The following NAA15 variants were observed in gnomAD, a reference collection of about 807,000 sequenced individuals.
NAA15 encodes N-terminal acetyltransferase.
NAA15 carries 34 observed loss-of-function variants against 114.0 expected under a neutral mutation model. The observed-to-expected ratio is 0.30, with a 90% CI of 0.23 to 0.40. NAA15 has a LOEUF of 0.40. NAA15 is among the 10% of genes least tolerant of loss of function. The pLI, the probability that NAA15 is intolerant of heterozygous loss-of-function variation, is 1.00. For synonymous variants in NAA15, 340 were observed against 338.0 expected, an observed-to-expected ratio of 1.01 and a Z score of -0.06; for missense variants, 658 against 1,004.5, an observed-to-expected ratio of 0.66 and a Z score of 4.66.
At chr4:139,376,065 C>T (rs1170958998) in intron 15 of NAA15, among the ~76,000 whole-genome samples, 1 of 152,098 alleles carries the variant, frequency 6.6e-6, no homozygotes, top group Non-Finnish European at 1.5e-5. Context: ...CTTTCTTCCC[C>T]CTTGGCTATC....
chr4:139,303,924 G>C (rs370822314), intron 1 of NAA15, among the ~76,000 whole-genome samples: 1 of 149,574 alleles, frequency 6.7e-6, no homozygotes, highest in African/African-American at 2.5e-5. Context: ...ACTTTTTTTT[G>C]TTTGTTTGTT....
intron 1 of NAA15, among the ~76,000 whole-genome samples, chr4:139,312,814 C>G (rs1746264517): frequency 6.6e-6 from 1 of 151,522 alleles, no homozygotes; most frequent in Non-Finnish European, 1.5e-5. Context: ...CCACTGCACT[C>G]CAGCCTGGGT....
At chr4:139,385,436 A>G (rs955667475) in intron 18 of NAA15, among the ~76,000 whole-genome samples, 50 of 151,408 alleles carry the variant, frequency 3.3e-4, no homozygotes, top group Non-Finnish European at 4.9e-4. Flanking sequence ...CTAAACTTAA[A>G]TGTATATCAT....
chr4:139,303,957 G>C (rs964872156), intron 1 of NAA15, among the ~76,000 whole-genome samples: 79 of 152,052 alleles, frequency 5.2e-4, no homozygotes, highest in African/African-American at 1.7e-3. Flanking sequence ...TCGCTCTGTC[G>C]CCCAGGCTGG....
chr4:139,334,244 T>A lies in NAA15; in HGVS notation c.125T>A (p.Phe42Tyr). 2 of 1,601,154 alleles carry A rather than the reference T, an allele frequency of 1.2e-6. No homozygotes were observed. Among genetic ancestry groups the A allele is most frequent in the South Asian group, 2.3e-5 (2 of 87,684 alleles). Residue 42 changes from phenylalanine to tyrosine, a missense_variant, in exon 2 of 20, where the codon TTT becomes TAT. By Grantham distance (22) the Phe-to-Tyr change is conservative. Coordinates refer to ENST00000296543, the MANE Select transcript of NAA15 (RefSeq NM_057175.5). Reference sequence around the variant, plus strand: ...AAACAAATACTTTCTAATCCCAAATTTGCAGAGCATGGAGGTAAGTGCAAG... The same window carrying A: ...AAACAAATACTTTCTAATCCCAAATATGCAGAGCATGGAGGTAAGTGCAAG... ...FCKQILSNPKFAEHGETLAMK... is the reference protein window; with the variant it reads ...FCKQILSNPKYAEHGETLAMK...
At chr4:139,366,621 A>ATTTTTTTTTTTTTTT (rs1748292956) in intron 14 of NAA15, among the ~76,000 whole-genome samples, 1 of 143,154 alleles carries the variant, frequency 7.0e-6, no homozygotes, top group African/African-American at 2.6e-5. Flanking sequence ...TTTTTTTTAA[A>ATTTTTTTTTTTTTTT]TTTTTGAGAC....
chr4:139,359,143 T>A (rs1381962836), intron 11 of NAA15, among the ~76,000 whole-genome samples: 1 of 152,086 alleles, frequency 6.6e-6, no homozygotes, highest in Non-Finnish European at 1.5e-5. Flanking sequence ...TTATTTATTT[T>A]TTATTGACAT....
At chr4:139,381,480 T>A (rs559298341) in intron 17 of NAA15, among the ~76,000 whole-genome samples, 1 of 152,206 alleles carries the variant, frequency 6.6e-6, no homozygotes, top group South Asian at 2.1e-4. Flanking sequence ...CAGATATGTT[T>A]TTTATACTTA....
At chr4:139,341,410 A>G (rs1455136303) in intron 4 of NAA15, among the ~76,000 whole-genome samples, 25 of 151,566 alleles carry the variant, frequency 1.6e-4, no homozygotes, top group Non-Finnish European at 1.3e-4. Context: ...CCTGCCTAAC[A>G]CAGTGAAACC....
intron 17 of NAA15, among the ~76,000 whole-genome samples, chr4:139,383,421 C>T (rs1047695087): frequency 6.6e-6 from 1 of 152,196 alleles, no homozygotes; most frequent in Non-Finnish European, 1.5e-5. Flanking sequence ...CCAGAGGAAT[C>T]ATCTCTAAAT....
intron 5 of NAA15, among the ~76,000 whole-genome samples, chr4:139,343,462 C>G (rs1560966404): frequency 6.6e-6 from 1 of 152,172 alleles, no homozygotes; most frequent in Non-Finnish European, 1.5e-5. Context: ...ATTTAGTTAT[C>G]ATTTCTCTTC....
rs1174204940 is a variant in NAA15, at chr4:139,301,554, C to T, written c.-224C>T. On this transcript the variant is annotated 5_prime_UTR_variant, in exon 1 of 20. Transcript: ENST00000296543. ...TTACCACGTGAACCGCCGACGGAGA[C>T]CCGTAGTGGGGGAGGCGGCGGCAGC... The T allele has an allele frequency of 1.0e-5, 6 of 583,518 alleles. No individual in the cohort carries two copies. Among genetic ancestry groups the T allele is most frequent in the Non-Finnish European group, 1.8e-5 (6 of 331,134 alleles). The allele number at this position is 583,518 out of a possible 1,614,324, so 36.1% of individuals were successfully genotyped here. A position where few individuals can be genotyped will look rare whatever the true frequency, so the allele number is the denominator to read the frequency against.
chr4:139,314,998 CAGTTTAGTTT>C (rs147452755), intron 1 of NAA15, among the ~76,000 whole-genome samples: 1,862 of 66,690 alleles, frequency 0.028, 156 homozygotes, highest in Admixed American at 0.061. Flanking sequence ...CAGTTCAGTT[CAGTTTAGTTT>C]AGGTTAGGTT....
chr4:139,383,192 ACTAC>A (rs1748799153), intron 17 of NAA15, among the ~76,000 whole-genome samples: 1 of 152,226 alleles, frequency 6.6e-6, no homozygotes, highest in Admixed American at 6.5e-5. Context: ...TGATTTATTG[ACTAC>A]CTATTACATA....
chr4:139,310,511 T>C (rs1644897983), intron 1 of NAA15, among the ~76,000 whole-genome samples: 1 of 151,674 alleles, frequency 6.6e-6, no homozygotes, highest in African/African-American at 2.4e-5. Context: ...AAGGATCATA[T>C]GCAAAGGACT....
chr4:139,317,351 C>T (rs1012966702), intron 1 of NAA15, among the ~76,000 whole-genome samples: 3 of 151,964 alleles, frequency 2.0e-5, no homozygotes, highest in Non-Finnish European at 1.5e-5. Flanking sequence ...GGGCCGGGCG[C>T]GGTGGCTGAC....
intron 1 of NAA15, among the ~76,000 whole-genome samples, chr4:139,322,793 G>A (rs996370792): frequency 6.6e-6 from 1 of 152,182 alleles, no homozygotes; most frequent in Non-Finnish European, 1.5e-5. Flanking sequence ...CTGGGTTCAA[G>A]CGATTCTTGT....
rs1283496719 is a variant in NAA15, at chr4:139,387,888, G to A, written c.2405G>A (p.Cys802Tyr). Residue 802 changes from cysteine to tyrosine, a missense_variant, in exon 20 of 20, where the codon TGT becomes TAT. Physicochemically the swap from Cys to Tyr is radical, Grantham distance 194 (BLOSUM62 -2). This residue lies in a region of NAA15 where 275 missense variants were observed against 371.1 expected (regional missense o/e 0.74). Coordinates refer to ENST00000296543, the MANE Select transcript of NAA15 (RefSeq NM_057175.5). ...TGACTTTTTTTCTTTCCTTAGACAT[G>A]TATGGAGGTATTGGAAGCCTTGTAT... ...ESLTNRNLQT[C>Y]MEVLEALYDG... 25 of 1,613,464 alleles carry A rather than the reference G, an allele frequency of 1.5e-5. No individual in the cohort carries two copies. Among genetic ancestry groups the A allele is most frequent in the East Asian group, 2.2e-5 (1 of 44,846 alleles).
At chr4:139,371,083 T>C (rs1201786375) in intron 15 of NAA15, among the ~76,000 whole-genome samples, 1 of 152,212 alleles carries the variant, frequency 6.6e-6, no homozygotes, top group East Asian at 1.9e-4. Flanking sequence ...TCCTGCTTTG[T>C]ATGAAAATAA....
Sources: gnomAD v4.1 joint callset for allele counts (sites outside exome capture counted in the v4.1 genomes callset) on GRCh38, gnomAD v4.1.1 for gene constraint, gnomAD v4.1.1 regional missense constraint, MANE v1.5 for transcripts, NCBI Gene and HGNC (gene_info 2026-07-23, HGNC 2026-07-21) for gene names.